The following CNTN5 variants were observed in gnomAD, a reference collection of about 807,000 sequenced individuals.
CNTN5 encodes the protein contactin 5, also known as contactin-5.
A neutral mutation model predicts 129.1 loss-of-function variants in CNTN5; 77 were observed. The observed-to-expected ratio is 0.60, with a 90% CI of 0.50 to 0.72. The LOEUF (loss-of-function observed/expected upper bound fraction) is 0.72. Ranked by LOEUF, CNTN5 falls within the 30% of genes least tolerant of loss-of-function variation. CNTN5 has a pLI of 0.00. For missense variants in CNTN5, 1,478 were observed against 1,328.8 expected, an observed-to-expected ratio of 1.11 and a Z score of -1.75; for synonymous variants, 509 against 465.6, an observed-to-expected ratio of 1.09 and a Z score of -1.20.
chr11:99,444,924 T>C (rs2135164407), intron 2 of CNTN5, among the ~76,000 whole-genome samples: 1 of 151,750 alleles, frequency 6.6e-6, no homozygotes, highest in Non-Finnish European at 1.5e-5. Context: ...TTTATGTATG[T>C]GCCTGAATAC....
intron 1 of CNTN5, among the ~76,000 whole-genome samples, chr11:99,243,339 T>C (rs1452260003): frequency 6.6e-6 from 1 of 152,130 alleles, no homozygotes; most frequent in Non-Finnish European, 1.5e-5. Context: ...ATTATGTTAC[T>C]TATAGGTTCT....
At chr11:99,463,956 G>T (rs1033811021) in intron 2 of CNTN5, among the ~76,000 whole-genome samples, 3 of 152,110 alleles carry the variant, frequency 2.0e-5, no homozygotes, top group Admixed American at 6.6e-5. Flanking sequence ...ACTAAAATGT[G>T]ATCAAATAAA....
intron 3 of CNTN5, among the ~76,000 whole-genome samples, chr11:99,702,036 GT>G (rs917564994): frequency 1.3e-5 from 2 of 150,972 alleles, no homozygotes; most frequent in Admixed American, 6.6e-5. Context: ...ATTTTTGTGA[GT>G]TTTTGTTAAT....
At chr11:99,217,307 T>A (rs1042576788) in intron 1 of CNTN5, among the ~76,000 whole-genome samples, 1 of 152,294 alleles carries the variant, frequency 6.6e-6, no homozygotes, top group South Asian at 2.1e-4. Context: ...GACACACAGA[T>A]GGCCAACAGT....
At chr11:99,830,328 A>G (rs1005104886) in intron 4 of CNTN5, among the ~76,000 whole-genome samples, 1 of 152,148 alleles carries the variant, frequency 6.6e-6, no homozygotes, top group Non-Finnish European at 1.5e-5. Flanking sequence ...TAAAATTTTT[A>G]GCACTGTCTT....
At chr11:99,520,399 A>C (rs1038106869) in intron 2 of CNTN5, among the ~76,000 whole-genome samples, 6 of 152,146 alleles carry the variant, frequency 3.9e-5, no homozygotes, top group African/African-American at 1.2e-4. Flanking sequence ...GTAAACTTAC[A>C]TGCTTTATGC....
chr11:99,895,980 C>T (rs143992496), intron 6 of CNTN5, among the ~76,000 whole-genome samples: 24 of 152,330 alleles, frequency 1.6e-4, no homozygotes, highest in Admixed American at 1.5e-3. Context: ...GTGGGACTCA[C>T]TGGCTTGGGT....
chr11:99,841,979 A>C (rs991400469), intron 4 of CNTN5, among the ~76,000 whole-genome samples: 2 of 151,416 alleles, frequency 1.3e-5, no homozygotes, highest in Admixed American at 1.3e-4. Context: ...TTCCACCTCC[A>C]TTGTTCAAGC....
At chr11:100,189,979 T>A (rs1490229731) in intron 13 of CNTN5, among the ~76,000 whole-genome samples, 1 of 152,150 alleles carries the variant, frequency 6.6e-6, no homozygotes, top group East Asian at 1.9e-4. Flanking sequence ...GGGCAGTTTT[T>A]TTCAGCAGCC....
intron 2 of CNTN5, among the ~76,000 whole-genome samples, chr11:99,380,081 C>CTGTGTGTGTGTG (rs10671165): frequency 1.3e-5 from 2 of 148,194 alleles, no homozygotes; most frequent in African/African-American, 2.5e-5. Context: ...AATGGTGTGT[C>CTGTGTGTGTGTG]TGTGTGTGTG....
intron 3 of CNTN5, among the ~76,000 whole-genome samples, chr11:99,766,896 A>G (rs147070244): frequency 6.6e-6 from 1 of 152,216 alleles, no homozygotes; most frequent in African/African-American, 2.4e-5. Context: ...GATTACAACG[A>G]TATCAGCTTT....
At chr11:99,810,746 G>C (rs1037678238) in intron 3 of CNTN5, among the ~76,000 whole-genome samples, 1 of 152,112 alleles carries the variant, frequency 6.6e-6, no homozygotes, top group African/African-American at 2.4e-5. Context: ...AAATTGCAGA[G>C]TTAACATTAA....
intron 1 of CNTN5, among the ~76,000 whole-genome samples, chr11:99,282,901 T>G (rs901241862): frequency 6.6e-6 from 1 of 152,064 alleles, no homozygotes. Flanking sequence ...TAGATGGCTA[T>G]AGTCTTGGGC....
At chr11:99,133,157 A>T (rs2135439458) in intron 1 of CNTN5, among the ~76,000 whole-genome samples, 1 of 152,282 alleles carries the variant, frequency 6.6e-6, no homozygotes, top group East Asian at 1.9e-4. Flanking sequence ...CAGTGAGGAG[A>T]GGATTCCCTA....
intron 2 of CNTN5, among the ~76,000 whole-genome samples, chr11:99,463,015 G>T (rs929032263): frequency 6.6e-6 from 1 of 151,950 alleles, no homozygotes; most frequent in African/African-American, 2.4e-5. Flanking sequence ...GGCTGAGGCA[G>T]GAGAATTGCT....
chr11:100,316,323 G>A (rs971347445), intron 21 of CNTN5, among the ~76,000 whole-genome samples: 11 of 152,266 alleles, frequency 7.2e-5, no homozygotes, highest in South Asian at 6.2e-4. Flanking sequence ...CGGGCACTAT[G>A]CTGGGCAATG....
chr11:99,585,461 G>C (rs926175561), intron 3 of CNTN5, among the ~76,000 whole-genome samples: 1 of 151,832 alleles, frequency 6.6e-6, no homozygotes. Flanking sequence ...CTTCTTACAG[G>C]CTTTACATTT....
intron 13 of CNTN5, among the ~76,000 whole-genome samples, chr11:100,190,729 G>GTT (rs5794041): frequency 0.33 from 33,831 of 102,774 alleles, 3,946 homozygotes; most frequent in African/African-American, 0.45. Context: ...TTTTTATGCT[G>GTT]TTTTTTTTTT....
chr11:100,215,740 A>C (rs572570660), intron 15 of CNTN5, among the ~76,000 whole-genome samples: 9 of 152,286 alleles, frequency 5.9e-5, no homozygotes, highest in Non-Finnish European at 1.2e-4. Context: ...GAGCATTGAC[A>C]TTCCATTCCA....
Sources: allele counts gnomAD v4.1 joint callset (sites outside exome capture counted in the v4.1 genomes callset), GRCh38; gene constraint gnomAD v4.1.1; transcripts MANE v1.5; gene names NCBI Gene and HGNC (gene_info 2026-07-23, HGNC 2026-07-21).